LRBA: variants seen among roughly 807,000 people sequenced by gnomAD.
The protein encoded by LRBA is LPS responsive beige-like anchor protein, also known as lipopolysaccharide-responsive and beige-like anchor protein.
LRBA carries 176 observed loss-of-function variants against 330.0 expected under a neutral mutation model. The ratio of observed to expected loss-of-function variants is 0.53; its 90% confidence interval spans 0.47 to 0.60. The LOEUF (loss-of-function observed/expected upper bound fraction) is 0.60. LRBA is among the 20% of genes least tolerant of loss of function. LRBA has a pLI of 0.00. For synonymous variants in LRBA, 1,230 were observed against 1,193.0 expected (o/e 1.03, Z -0.64); for missense variants, 3,259 against 3,444.8 (o/e 0.95, Z 1.35).
Position 150,697,329 on chromosome 4 carries a change from A to AAAAAAAAC in LRBA, c.5755-13613_5755-13612insGTTTTTTT, listed in dbSNP as rs1784723835. Among the ~76,000 whole-genome samples the AAAAAAAAC allele has an allele frequency of 1.6e-5, 2 of 127,506 alleles. 1 individual carries two copies. The highest frequency in any genetic ancestry group is 8.1e-5 in the African/African-American group (2 of 24,770). 83.6% of individuals were successfully genotyped at this position (127,506 alleles called of 152,430 possible). ...ACAGAGTGAGACTTTGTCTCAGAAA[A>AAAAAAAAC]AAAAAAAAAAAAAAAAAAAAAACAG... On this transcript the variant is annotated intron_variant, in intron 36 of 56. Coordinates refer to ENST00000651943, the MANE Select transcript of LRBA (RefSeq NM_001364905.1).
intron 46 of LRBA, among the ~76,000 whole-genome samples, chr4:150,431,509 GC>G (rs1299888287): frequency 1.3e-5 from 2 of 152,056 alleles, no homozygotes; most frequent in Non-Finnish European, 2.9e-5. Flanking sequence ...ACACAGATGT[GC>G]CATGTAAATA....
chr4:150,324,033 C>A (rs1732907832), intron 49 of LRBA, among the ~76,000 whole-genome samples: 1 of 152,172 alleles, frequency 6.6e-6, no homozygotes, highest in Non-Finnish European at 1.5e-5. Flanking sequence ...TTGTGCAAGT[C>A]TGAAGAGGAG....
chr4:150,898,532 C>T (rs1055091340), intron 14 of LRBA, among the ~76,000 whole-genome samples: 2 of 151,992 alleles, frequency 1.3e-5, no homozygotes, highest in Non-Finnish European at 2.9e-5. Context: ...CACCACTAAT[C>T]ACTATTTATA....
chr4:150,658,509 C>A (rs1421005532), intron 37 of LRBA, among the ~76,000 whole-genome samples: 3 of 62,676 alleles, frequency 4.8e-5, no homozygotes, highest in South Asian at 1.6e-3. Context: ...ATAAAAGTCT[C>A]CCTCTCCCTC....
intron 36 of LRBA, among the ~76,000 whole-genome samples, chr4:150,733,826 T>C (rs1730830849): frequency 6.6e-6 from 1 of 152,110 alleles, no homozygotes; most frequent in Admixed American, 6.5e-5. Context: ...TGCATAACTA[T>C]CTCATACCTA....
At chr4:150,581,578 T>G (rs1771343901) in intron 40 of LRBA, 1 of 199,622 alleles carries the variant, frequency 5.0e-6, no homozygotes. Flanking sequence ...TCTGAACCAT[T>G]GCTACTCTCC....
rs555862913 is a variant in LRBA at position 150,285,683 on chromosome 4, T to C, written c.8119+250A>G. On this transcript the variant is annotated intron_variant, in intron 54 of 56. Transcript: ENST00000651943. ...TTTCTACAATGATGGAAATGATCTG[T>C]ATCTGTGCTGTCCAATGTAGTGGCC... 2.6e-5 allele frequency among the ~76,000 whole-genome samples: 4 copies of C among 152,360 alleles called. No individual in the cohort carries two copies. The East Asian group carries it at 7.7e-4, about 29-fold the overall frequency.
intron 2 of LRBA, among the ~76,000 whole-genome samples, chr4:150,997,176 T>C (rs992456683): frequency 1.3e-5 from 2 of 152,204 alleles, no homozygotes; most frequent in Non-Finnish European, 2.9e-5. Context: ...ATAAAGTCAG[T>C]GTCTAACAAT....
chr4:150,957,306 G>A (rs13142906), intron 2 of LRBA, among the ~76,000 whole-genome samples: 8,033 of 148,444 alleles, frequency 0.054, 430 homozygotes, highest in Middle Eastern at 0.11. Context: ...GGTGAAGGTG[G>A]AGCAAAGACA....
intron 37 of LRBA, among the ~76,000 whole-genome samples, chr4:150,613,254 A>G (rs1334867418): frequency 1.3e-5 from 2 of 152,302 alleles, no homozygotes; most frequent in Non-Finnish European, 1.5e-5. Flanking sequence ...TCAAAATCCA[A>G]TAAGAGAAAC....
At chr4:150,385,284 C>CA (rs202122871) in intron 47 of LRBA, among the ~76,000 whole-genome samples, 100 of 150,900 alleles carry the variant, frequency 6.6e-4, no homozygotes, top group African/African-American at 1.8e-3. Flanking sequence ...TGTAAAAGCA[C>CA]AAAAAAAACA....
At chr4:150,549,457 G>A (rs930520733) in intron 40 of LRBA, among the ~76,000 whole-genome samples, 48 of 151,760 alleles carry the variant, frequency 3.2e-4, no homozygotes, top group African/African-American at 1.0e-3. Flanking sequence ...TCAGCCTCCC[G>A]AGTAGCTGGG....
chr4:150,798,897 A>G (rs935757440), intron 33 of LRBA, among the ~76,000 whole-genome samples: 2 of 152,140 alleles, frequency 1.3e-5, no homozygotes, highest in African/African-American at 4.8e-5. Context: ...AAAAATTACA[A>G]TTTTTTTATT....
At chr4:150,560,255 C>T (rs942104266) in intron 40 of LRBA, among the ~76,000 whole-genome samples, 2 of 151,438 alleles carry the variant, frequency 1.3e-5, no homozygotes, top group African/African-American at 4.9e-5. Context: ...TAGAGAGAGA[C>T]AATGTCAGAG....
chr4:150,309,341 T>A (rs1368119500), intron 52 of LRBA, among the ~76,000 whole-genome samples: 1 of 152,130 alleles, frequency 6.6e-6, no homozygotes. Context: ...CTAGTTTGTG[T>A]AAGTATACTC....
At chr4:150,661,367 G>A (rs552388423) in intron 37 of LRBA, among the ~76,000 whole-genome samples, 66 of 151,094 alleles carry the variant, frequency 4.4e-4, no homozygotes, top group Middle Eastern at 6.9e-3. Context: ...AGGCTGAGGC[G>A]GAAGAATTGC....
chr4:150,727,981 A>G (rs1478494849), intron 36 of LRBA, among the ~76,000 whole-genome samples: 1 of 152,176 alleles, frequency 6.6e-6, no homozygotes, highest in Non-Finnish European at 1.5e-5. Flanking sequence ...GAGACTAAGA[A>G]AAAGAGAAGA....
At chr4:150,934,880 T>C (rs1480479043) in intron 2 of LRBA, among the ~76,000 whole-genome samples, 1 of 151,894 alleles carries the variant, frequency 6.6e-6, no homozygotes, top group Admixed American at 6.6e-5. Context: ...TGGTGACACA[T>C]GCCTGTAATC....
chr4:150,455,630 G>A (rs1475273121), intron 44 of LRBA, among the ~76,000 whole-genome samples: 1 of 152,008 alleles, frequency 6.6e-6, no homozygotes, highest in Non-Finnish European at 1.5e-5. Flanking sequence ...AAAATCAAGT[G>A]TCTACCCCTT....
Sources: gnomAD v4.1 joint callset for allele counts (sites outside exome capture counted in the v4.1 genomes callset) on GRCh38, gnomAD v4.1.1 for gene constraint, MANE v1.5 for transcripts, NCBI Gene and HGNC (gene_info 2026-07-23, HGNC 2026-07-21) for gene names.